OTOP1: variants seen among roughly 807,000 people sequenced by gnomAD.
OTOP1 encodes the protein proton channel OTOP1.
In OTOP1, 59 loss-of-function variants were observed where a neutral mutation model predicts 52.9. That is an observed-to-expected ratio of 1.12 (90% CI 0.91 to 1.39). OTOP1 has a LOEUF of 1.39. Ranked by LOEUF, OTOP1 falls within the 40% of genes most tolerant of loss-of-function variation. The probability of loss-of-function intolerance (pLI) is 0.00; values close to 1 mark genes in which losing one functional copy is unlikely to be tolerated. For missense variants in OTOP1, 761 were observed against 800.9 expected (o/e 0.95, Z 0.60); for synonymous variants, 317 against 337.7 (o/e 0.94, Z 0.67).
Position 4,204,369 on chromosome 4 carries a change from G to A in OTOP1, c.599+1703C>T, listed in dbSNP as rs544533923. Among the ~76,000 whole-genome samples, 9 of 152,210 alleles carry A rather than the reference G, an allele frequency of 5.9e-5. No homozygotes were observed. In the South Asian group the frequency reaches 1.0e-3, roughly 18 times the overall value. ...GCCTTTGACAAACGCAGACAATGCCGTTTGCCTCATACTGGCTGGCTTTTC... is the reference window on the plus strand; with the variant it reads ...GCCTTTGACAAACGCAGACAATGCCATTTGCCTCATACTGGCTGGCTTTTC... On this transcript the variant is annotated intron_variant, in intron 3 of 5. Coordinates refer to ENST00000296358, the MANE Select transcript of OTOP1 (RefSeq NM_177998.3).
chr4:4,225,918 G>A (rs1004825543), intron 1 of OTOP1, among the ~76,000 whole-genome samples: 5 of 152,202 alleles, frequency 3.3e-5, no homozygotes, highest in Non-Finnish European at 7.3e-5. Context: ...GGGAGAATGG[G>A]GTGAGGCCTG....
chr4:4,204,972 C>A (rs1716867852), intron 3 of OTOP1, among the ~76,000 whole-genome samples: 1 of 152,100 alleles, frequency 6.6e-6, no homozygotes, highest in Non-Finnish European at 1.5e-5. Context: ...CGGGGTTTCA[C>A]CACATTGGCC....
rs756876890 is a variant in OTOP1 at position 4,197,550 on chromosome 4, G to A, written c.1284C>T (p.Tyr428=). 1.9e-6 allele frequency: 3 copies of A among 1,614,002 alleles called. No homozygotes were observed. The highest frequency in any genetic ancestry group is 1.1e-5 in the South Asian group (1 of 91,074). Residue 428 remains tyrosine, a synonymous_variant, in exon 5 of 6, where the codon TAC becomes TAT. Coordinates refer to ENST00000296358, the MANE Select transcript of OTOP1 (RefSeq NM_177998.3). Reference sequence around the variant, plus strand: ...ACTTCTCCACGATCGCCAGGATGGAGTAGGGCAGGTTGTACCAGGTGTAGC... The same window carrying A: ...ACTTCTCCACGATCGCCAGGATGGAATAGGGCAGGTTGTACCAGGTGTAGC... ...HPRYTWYNLP[Y]SILAIVEKYI...
intron 1 of OTOP1, among the ~76,000 whole-genome samples, chr4:4,218,156 C>T (rs1186203850): frequency 6.6e-6 from 1 of 152,130 alleles, no homozygotes; most frequent in Non-Finnish European, 1.5e-5. Flanking sequence ...CTTTGGGAGG[C>T]CGAGGCAGAT....
intron 1 of OTOP1, 30 bp from the exon 2 acceptor site, chr4:4,213,034 A>T: frequency 6.2e-7 from 1 of 1,609,302 alleles, no homozygotes; most frequent in Non-Finnish European, 8.5e-7. Flanking sequence ...GGAAGTGGAA[A>T]CACACACATT....
chr4:4,202,005 A>C (rs557483956), intron 4 of OTOP1, among the ~76,000 whole-genome samples: 2 of 152,342 alleles, frequency 1.3e-5, no homozygotes, highest in South Asian at 4.1e-4. Context: ...TAAAACTTTA[A>C]ATGAACTACA....
chr4:4,200,667 C>T (rs191909954), intron 4 of OTOP1, among the ~76,000 whole-genome samples: 2 of 149,438 alleles, frequency 1.3e-5, no homozygotes, highest in African/African-American at 2.5e-5. Context: ...GATCCACCTG[C>T]GTCAGTCTCC....
At chr4:4,204,965 G>A (rs987774562) in intron 3 of OTOP1, among the ~76,000 whole-genome samples, 4 of 151,978 alleles carry the variant, frequency 2.6e-5, no homozygotes, top group African/African-American at 7.3e-5. Context: ...GTAGAGACGG[G>A]GTTTCACCAC....
At chr4:4,214,401 CAA>C (rs978883850) in intron 1 of OTOP1, among the ~76,000 whole-genome samples, 3 of 152,064 alleles carry the variant, frequency 2.0e-5, no homozygotes, top group Admixed American at 1.3e-4. Context: ...GGAGGGCCTT[CAA>C]AAAATTCAAA....
At chr4:4,200,376 G>A (rs977666504) in intron 4 of OTOP1, among the ~76,000 whole-genome samples, 11 of 151,448 alleles carry the variant, frequency 7.3e-5, no homozygotes, top group Non-Finnish European at 1.3e-4. Context: ...TCGGGAGGCT[G>A]ATGCAGGAGA....
chr4:4,210,553 A>G (rs1717003938), intron 2 of OTOP1, among the ~76,000 whole-genome samples: 2 of 152,186 alleles, frequency 1.3e-5, no homozygotes, highest in South Asian at 2.1e-4. Flanking sequence ...CACCAGGGCC[A>G]GACGCGGTGC....
At chr4:4,219,590 G>A (rs1717230865) in intron 1 of OTOP1, among the ~76,000 whole-genome samples, 1 of 151,518 alleles carries the variant, frequency 6.6e-6, no homozygotes, top group South Asian at 2.1e-4. Context: ...CATGCTACTC[G>A]GTAGGCTGAA....
intron 4 of OTOP1, among the ~76,000 whole-genome samples, chr4:4,200,177 T>C (rs1257229005): frequency 1.3e-5 from 2 of 152,224 alleles, no homozygotes; most frequent in African/African-American, 4.8e-5. Flanking sequence ...TTTTAGTTTA[T>C]GATATGTATA....
intron 2 of OTOP1, among the ~76,000 whole-genome samples, chr4:4,210,711 A>T (rs1362356390): frequency 6.6e-6 from 1 of 152,158 alleles, no homozygotes; most frequent in Non-Finnish European, 1.5e-5. Flanking sequence ...GGTGTCTGTC[A>T]TCGGAGCTAC....
chr4:4,215,211 T>C (rs896261572), intron 1 of OTOP1, among the ~76,000 whole-genome samples: 2 of 152,210 alleles, frequency 1.3e-5, no homozygotes, highest in African/African-American at 4.8e-5. Context: ...ACTCACCCCA[T>C]AGCCCAGAGT....
chr4:4,220,162 G>A (rs1321365129), intron 1 of OTOP1, among the ~76,000 whole-genome samples: 1 of 141,860 alleles, frequency 7.0e-6, no homozygotes, highest in African/African-American at 2.7e-5. Flanking sequence ...GAGTGCAATG[G>A]CGCAAGCTCT....
Position 4,198,112 on chromosome 4 carries a change from G to A in OTOP1, c.731-9C>T, listed in dbSNP as rs1224961861. ...TGTGTGGTCATCTAAAACTAGGGGA[G>A]ACAGGTAGATCACACAGGAGGGCGA... On this transcript the variant is annotated splice_polypyrimidine_tract_variant and intron_variant, in intron 4 of 5. Coordinates refer to ENST00000296358, the MANE Select transcript of OTOP1 (RefSeq NM_177998.3). 1 of 1,603,544 alleles carries A rather than the reference G, an allele frequency of 6.2e-7. No individual in the cohort carries two copies. The highest frequency in any genetic ancestry group is 2.2e-5 in the East Asian group (1 of 44,760).
intron 1 of OTOP1, among the ~76,000 whole-genome samples, chr4:4,219,098 A>G (rs1281946157): frequency 3.3e-5 from 5 of 152,124 alleles, no homozygotes; most frequent in African/African-American, 1.2e-4. Flanking sequence ...CATCATAAAC[A>G]TCGTAAAGAA....
chr4:4,220,026 T>G (rs1406381779), intron 1 of OTOP1, among the ~76,000 whole-genome samples: 1 of 96,586 alleles, frequency 1.0e-5, no homozygotes, highest in African/African-American at 4.8e-5. Flanking sequence ...TACATGTATA[T>G]ACGTATATAT....
Sources: gnomAD v4.1 joint callset for allele counts (sites outside exome capture counted in the v4.1 genomes callset) on GRCh38, gnomAD v4.1.1 for gene constraint, MANE v1.5 for transcripts, NCBI Gene and HGNC (gene_info 2026-07-23, HGNC 2026-07-21) for gene names.